The following MAPK14 variants were observed in gnomAD, a reference collection of about 807,000 sequenced individuals.
MAPK14 encodes the protein mitogen-activated protein kinase 14.
MAPK14 carries 16 observed loss-of-function variants against 49.6 expected under a neutral mutation model. That is an observed-to-expected ratio of 0.32 (90% CI 0.22 to 0.49). The LOEUF is 0.49. Among genes scored for constraint, MAPK14 ranks in the 20% least tolerant of loss-of-function variants. The probability of loss-of-function intolerance (pLI) is 0.99; values close to 1 mark genes in which losing one functional copy is unlikely to be tolerated. For synonymous variants in MAPK14, 142 were observed against 158.0 expected, an observed-to-expected ratio of 0.90 and a Z score of 0.76; for missense variants, 200 against 441.2, an observed-to-expected ratio of 0.45 and a Z score of 4.90.
chr6:36,114,899 T>G (rs557466361), downstream of MAPK14, among the ~76,000 whole-genome samples: 1 of 152,176 alleles, frequency 6.6e-6, no homozygotes, highest in Admixed American at 6.5e-5. Flanking sequence ...ATGTGCCTGG[T>G]GTGTTGTCGA....
intron 11 of MAPK14, 27 bp from the exon 12 acceptor site, chr6:36,108,353 A>T: frequency 6.3e-7 from 1 of 1,575,814 alleles, no homozygotes; most frequent in South Asian, 1.1e-5. Flanking sequence ...AAACTCTCAC[A>T]TCTTACTTTT....
intron 9 of MAPK14, among the ~76,000 whole-genome samples, chr6:36,101,212 G>A (rs7766032): frequency 0.12 from 18,083 of 152,136 alleles, 1,183 homozygotes; most frequent in African/African-American, 0.18. Context: ...GGCTGAGATG[G>A]GAGGATCAGT....
chr6:36,109,496 C>T lies in MAPK14; in HGVS notation c.*1049C>T, dbSNP rs1273805436. 1 of 152,650 alleles carries T rather than the reference C, an allele frequency of 6.6e-6. No individual in the cohort carries two copies. Among genetic ancestry groups the T allele is most frequent in the African/African-American group, 2.4e-5 (1 of 41,454 alleles). The allele number at this position is 152,650 out of a possible 1,614,324, so 9.5% of individuals were successfully genotyped here. On this transcript the variant is annotated 3_prime_UTR_variant, in exon 12 of 12. Transcript: ENST00000229794. ...TTGGGTAGTTTAGATCCCATGTCAC[C>T]TCAGCTGATATTATGGCAAGTGATA...
At chr6:36,046,528 C>T (rs1043926572) in intron 1 of MAPK14, among the ~76,000 whole-genome samples, 1 of 152,150 alleles carries the variant, frequency 6.6e-6, no homozygotes, top group Non-Finnish European at 1.5e-5. Context: ...GAAATATAAA[C>T]ATAATTCTCA....
chr6:36,115,179 TGTTTAGAAGTTATTATAA>T (rs1192100470), downstream of MAPK14, among the ~76,000 whole-genome samples: 1 of 152,230 alleles, frequency 6.6e-6, no homozygotes, highest in Non-Finnish European at 1.5e-5. Flanking sequence ...GAAGGTGCTT[TGTTTAGAAGTTATTATAA>T]GTTAAATAAG....
chr6:36,065,518 G>GTGTGTGTA (rs1158121735), intron 3 of MAPK14, among the ~76,000 whole-genome samples: 1 of 149,834 alleles, frequency 6.7e-6, no homozygotes, highest in Non-Finnish European at 1.5e-5. Context: ...GTGTGTGTGT[G>GTGTGTGTA]TGTGTGTGTG....
intron 3 of MAPK14, among the ~76,000 whole-genome samples, chr6:36,063,816 A>T (rs180971869): frequency 9.4e-4 from 143 of 152,264 alleles, no homozygotes; most frequent in Non-Finnish European, 1.7e-3. Flanking sequence ...CCACCATAGG[A>T]TGTGGTTGTA....
chr6:36,053,138 A>G (rs1357855984), intron 2 of MAPK14, among the ~76,000 whole-genome samples: 1 of 150,938 alleles, frequency 6.6e-6, no homozygotes, highest in Non-Finnish European at 1.5e-5. Context: ...AAATATTAAA[A>G]AGAAGTTATG....
At chr6:36,076,084 T>A in intron 7 of MAPK14, 122 bp downstream of exon 7, 1 of 1,002,666 alleles carries the variant, frequency 1.0e-6, no homozygotes, top group Non-Finnish European at 1.5e-6. Flanking sequence ...GTGATCCTTT[T>A]AAAGCCTGCA....
At chr6:36,074,242 A>T in intron 6 of MAPK14, 146 bp downstream of exon 6, 1 of 576,418 alleles carries the variant, frequency 1.7e-6, no homozygotes, top group South Asian at 2.7e-5. Flanking sequence ...TGAAATTTAA[A>T]CCATTTCTGA....
chr6:36,096,248 TGCATGCAC>T (rs1765442735), intron 9 of MAPK14, 182 bp downstream of exon 9: 23 of 538,752 alleles, frequency 4.3e-5, no homozygotes, highest in Middle Eastern at 6.8e-4. Context: ...TGTGCCTGCT[TGCATGCAC>T]AAGTGTGTTT....
At chr6:36,112,989 G>A (rs1766002024), downstream of MAPK14, among the ~76,000 whole-genome samples, 1 of 152,140 alleles carries the variant, frequency 6.6e-6, no homozygotes, top group Non-Finnish European at 1.5e-5. Context: ...ATTAGTGAAT[G>A]TTTTCACATT....
At chr6:36,116,459 A>G in the MAPK14 span, among the ~76,000 whole-genome samples, 2 of 152,166 alleles carry the variant, frequency 1.3e-5, no homozygotes, top group Admixed American at 1.3e-4. Context: ...TTTGTTTGAT[A>G]TGTAAAACCA....
intron 8 of MAPK14, among the ~76,000 whole-genome samples, chr6:36,084,497 G>T (rs546880169): frequency 1.1e-4 from 16 of 152,226 alleles, no homozygotes; most frequent in African/African-American, 3.6e-4. Context: ...GTTTAGAAAG[G>T]AACATAAATG....
chr6:36,072,006 T>G (rs1243716119), intron 3 of MAPK14, among the ~76,000 whole-genome samples: 2 of 152,132 alleles, frequency 1.3e-5, no homozygotes, highest in African/African-American at 4.8e-5. Context: ...TTTCTTGAGA[T>G]AACCTGGAAA....
the MAPK14 span, among the ~76,000 whole-genome samples, chr6:36,121,233 G>A: frequency 8.5e-5 from 13 of 152,228 alleles, no homozygotes; most frequent in African/African-American, 9.6e-5. Context: ...GGGCCTGTCC[G>A]GATGGGGGCA....
At chr6:36,051,587 CCT>C (rs1308233528) in intron 1 of MAPK14, among the ~76,000 whole-genome samples, 4 of 152,084 alleles carry the variant, frequency 2.6e-5, no homozygotes, top group African/African-American at 7.2e-5. Context: ...ACGTTTCCTA[CCT>C]CTGTTTCTTT....
intron 10 of MAPK14, among the ~76,000 whole-genome samples, chr6:36,103,262 G>A (rs1237515851): frequency 1.3e-5 from 2 of 152,204 alleles, no homozygotes; most frequent in African/African-American, 4.8e-5. Context: ...GCAGAGGGAA[G>A]TGATGGTGGC....
intron 1 of MAPK14, among the ~76,000 whole-genome samples, chr6:36,044,935 C>G (rs541736702): frequency 2.0e-5 from 3 of 152,148 alleles, no homozygotes; most frequent in African/African-American, 7.2e-5. Context: ...GAGTTCAAGA[C>G]CAGCCTAGGG....
Sources: allele counts gnomAD v4.1 joint callset (sites outside exome capture counted in the v4.1 genomes callset), GRCh38; gene constraint gnomAD v4.1.1; transcripts MANE v1.5; gene names NCBI Gene and HGNC (gene_info 2026-07-23, HGNC 2026-07-21).